HSD17B12: variants seen among roughly 807,000 people sequenced by gnomAD.
The protein encoded by HSD17B12 is hydroxysteroid 17-beta dehydrogenase 12, also known as very-long-chain 3-oxoacyl-CoA reductase.
In HSD17B12, 32 loss-of-function variants were observed where a neutral mutation model predicts 39.3. That is an observed-to-expected ratio of 0.81 (90% CI 0.61 to 1.09). The LOEUF (loss-of-function observed/expected upper bound fraction) is 1.09. Ranked by LOEUF, HSD17B12 falls within the 50% of genes least tolerant of loss-of-function variation. The pLI, the probability that HSD17B12 is intolerant of heterozygous loss-of-function variation, is 0.00. For synonymous variants in HSD17B12, 150 were observed against 146.7 expected (o/e 1.02, Z -0.16); for missense variants, 342 against 382.9 (o/e 0.89, Z 0.89).
the HSD17B12 span, chr11:43,584,484 A>C: frequency 1.3e-5 from 2 of 152,338 alleles, no homozygotes; most frequent in African/African-American, 4.8e-5. Context: ...TTCATGTGAA[A>C]TGACCCAGCC....
the HSD17B12 span, among the ~76,000 whole-genome samples, chr11:43,613,753 G>A: frequency 1.3e-5 from 2 of 151,414 alleles, no homozygotes; most frequent in East Asian, 1.9e-4. Context: ...TGCAAACTCC[G>A]CCTCCTGGGT....
the HSD17B12 span, among the ~76,000 whole-genome samples, chr11:43,664,308 A>G: frequency 6.6e-6 from 1 of 152,208 alleles, no homozygotes; most frequent in Non-Finnish European, 1.5e-5. Flanking sequence ...TTGCAGTTTG[A>G]GTAAGGGAGA....
chr11:43,849,430 C>A (rs942050648), intron 9 of HSD17B12, among the ~76,000 whole-genome samples: 2 of 152,198 alleles, frequency 1.3e-5, no homozygotes, highest in African/African-American at 4.8e-5. Context: ...TGATTTCAAA[C>A]TTCCACGTTA....
intron 9 of HSD17B12, chr11:43,854,271 T>C (rs745544436): frequency 6.5e-6 from 1 of 154,072 alleles, no homozygotes; most frequent in African/African-American, 2.4e-5. Flanking sequence ...TCAAAGCTGA[T>C]AGAACAAGCT....
At chr11:43,771,127 A>T (rs1950645091) in intron 3 of HSD17B12, among the ~76,000 whole-genome samples, 1 of 152,190 alleles carries the variant, frequency 6.6e-6, no homozygotes, top group African/African-American at 2.4e-5. Context: ...TTAATTTCTA[A>T]CATTATCATT....
intron 7 of HSD17B12, among the ~76,000 whole-genome samples, chr11:43,836,081 C>T (rs1951368194): frequency 6.6e-6 from 1 of 152,086 alleles, no homozygotes; most frequent in South Asian, 2.1e-4. Flanking sequence ...ATTTTGTTAG[C>T]GAGAAATGAA....
intron 3 of HSD17B12, among the ~76,000 whole-genome samples, chr11:43,774,349 G>T (rs1950678366): frequency 6.6e-6 from 1 of 152,048 alleles, no homozygotes; most frequent in Non-Finnish European, 1.5e-5. Flanking sequence ...AAGTAGCTGG[G>T]ATTACAGGCA....
At chr11:43,680,262 C>T (rs1010451653), upstream of HSD17B12, among the ~76,000 whole-genome samples, 1 of 152,092 alleles carries the variant, frequency 6.6e-6, no homozygotes, top group Admixed American at 6.5e-5. Context: ...TTAGTAGAGA[C>T]GGGGTTCGGA....
At chr11:43,813,278 C>G (rs1951090050) in intron 4 of HSD17B12, among the ~76,000 whole-genome samples, 2 of 152,004 alleles carry the variant, frequency 1.3e-5, no homozygotes, top group African/African-American at 4.8e-5. Flanking sequence ...TGCAAAGTTC[C>G]TAGATTTTTT....
At chr11:43,642,412 A>G in the HSD17B12 span, among the ~76,000 whole-genome samples, 14 of 151,734 alleles carry the variant, frequency 9.2e-5, no homozygotes, top group Admixed American at 5.9e-4. Context: ...GCCCTTTAAT[A>G]TATCAGTTTT....
chr11:43,701,898 G>T (rs1949968434), intron 1 of HSD17B12, among the ~76,000 whole-genome samples: 2 of 152,064 alleles, frequency 1.3e-5, no homozygotes, highest in Non-Finnish European at 2.9e-5. Context: ...GGATTACATT[G>T]AATTTGTAGA....
the HSD17B12 span, among the ~76,000 whole-genome samples, chr11:43,590,011 A>G: frequency 6.6e-6 from 1 of 152,218 alleles, no homozygotes; most frequent in Non-Finnish European, 1.5e-5. Flanking sequence ...GTATGTACTC[A>G]AGTGAGATGA....
chr11:43,616,732 A>G, the HSD17B12 span, among the ~76,000 whole-genome samples: 2 of 140,322 alleles, frequency 1.4e-5, no homozygotes, highest in Non-Finnish European at 3.0e-5. Flanking sequence ...TTTAACCTCT[A>G]TGCTGCCTTC....
chr11:43,684,553 G>A (rs899883103), intron 1 of HSD17B12, among the ~76,000 whole-genome samples: 11 of 152,196 alleles, frequency 7.2e-5, no homozygotes, highest in African/African-American at 2.7e-4. Context: ...GACTTCCAAT[G>A]TCAAGATATT....
rs142632179 is a variant in HSD17B12, at chr11:43,782,509, C to T, written c.284-15811C>T. 7.9e-5 allele frequency among the ~76,000 whole-genome samples: 12 copies of T among 151,978 alleles called. No individual in the cohort carries two copies. The East Asian group carries it at 1.2e-3, about 15-fold the overall frequency. On this transcript the variant is annotated intron_variant, in intron 3 of 10. Transcript: ENST00000278353. ...GAGCCTGGTCAACATAGTGTAACCC[C>T]GTTTACTAAAACTACAAAAGTTAGC...
At chr11:43,808,931 G>T (rs191560397) in intron 4 of HSD17B12, among the ~76,000 whole-genome samples, 142 of 152,300 alleles carry the variant, frequency 9.3e-4, no homozygotes, top group African/African-American at 3.3e-3. Flanking sequence ...AATTTACTTT[G>T]CATCACTTTC....
the HSD17B12 span, among the ~76,000 whole-genome samples, chr11:43,613,766 A>C: frequency 6.6e-6 from 1 of 152,042 alleles, no homozygotes; most frequent in South Asian, 2.1e-4. Flanking sequence ...TCCTGGGTTC[A>C]AGCGATTCCC....
chr11:43,717,045 A>T (rs1950130217), intron 1 of HSD17B12, among the ~76,000 whole-genome samples: 1 of 152,192 alleles, frequency 6.6e-6, no homozygotes, highest in Non-Finnish European at 1.5e-5. Context: ...TGGGCTAAAA[A>T]TAGCTCCTGG....
At chr11:43,623,196 G>A in the HSD17B12 span, among the ~76,000 whole-genome samples, 1 of 152,208 alleles carries the variant, frequency 6.6e-6, no homozygotes, top group African/African-American at 2.4e-5. Flanking sequence ...TCTGGAGAAA[G>A]AGAAAATAAT....
Sources: gnomAD v4.1 joint callset for allele counts (sites outside exome capture counted in the v4.1 genomes callset) on GRCh38, gnomAD v4.1.1 for gene constraint, MANE v1.5 for transcripts, NCBI Gene and HGNC (gene_info 2026-07-23, HGNC 2026-07-21) for gene names.